The following DAPK1 variants were observed in gnomAD, a reference collection of about 807,000 sequenced individuals.
DAPK1 encodes the protein death associated protein kinase 1, also known as death-associated protein kinase 1.
DAPK1 carries 56 observed loss-of-function variants against 144.9 expected under a neutral mutation model. That is an observed-to-expected ratio of 0.39 (90% CI 0.31 to 0.48). The LOEUF is 0.48. DAPK1 is among the 20% of genes least tolerant of loss of function. The pLI, the probability that DAPK1 is intolerant of heterozygous loss-of-function variation, is 0.95. For synonymous variants in DAPK1, 690 were observed against 749.0 expected (o/e 0.92, Z 1.29); for missense variants, 1,454 against 1,875.4 (o/e 0.78, Z 4.15).
chr9:87,555,131 G>T (rs1826656968), intron 2 of DAPK1, among the ~76,000 whole-genome samples: 1 of 152,200 alleles, frequency 6.6e-6, no homozygotes, highest in South Asian at 2.1e-4. Context: ...ATGACTTAAG[G>T]ACTTGGGGGT....
intron 21 of DAPK1, among the ~76,000 whole-genome samples, chr9:87,689,111 A>G (rs1224084605): frequency 6.6e-6 from 1 of 151,522 alleles, no homozygotes; most frequent in Non-Finnish European, 1.5e-5. Context: ...TTTTTTTTTT[A>G]TATGGTGAAA....
At chr9:87,616,191 A>G (rs141271249) in intron 3 of DAPK1, among the ~76,000 whole-genome samples, 21 of 152,274 alleles carry the variant, frequency 1.4e-4, no homozygotes, top group African/African-American at 5.1e-4. Flanking sequence ...TGGGCAGAAG[A>G]TGTTCTAGTT....
At chr9:87,538,477 A>C (rs1044288887) in intron 2 of DAPK1, among the ~76,000 whole-genome samples, 1 of 152,356 alleles carries the variant, frequency 6.6e-6, no homozygotes, top group Non-Finnish European at 1.5e-5. Flanking sequence ...ATATCCTTCC[A>C]TTCGCCTTAA....
chr9:87,578,154 C>G (rs916866682), intron 2 of DAPK1, among the ~76,000 whole-genome samples: 1 of 152,204 alleles, frequency 6.6e-6, no homozygotes. Flanking sequence ...ATAGGACTCT[C>G]TAGTAATCCC....
intron 2 of DAPK1, among the ~76,000 whole-genome samples, chr9:87,527,215 T>TC (rs11398066): frequency 0.45 from 67,842 of 152,022 alleles, 15,411 homozygotes; most frequent in South Asian, 0.57. Context: ...TTGAAGACAC[T>TC]TGCTTTTGCC....
chr9:87,663,639 C>T (rs1830941726), intron 18 of DAPK1, among the ~76,000 whole-genome samples: 1 of 152,156 alleles, frequency 6.6e-6, no homozygotes, highest in Non-Finnish European at 1.5e-5. Flanking sequence ...TCTTCTCCCT[C>T]TCCATCCCCC....
Position 87,639,457 on chromosome 9 carries a change from AC to A in DAPK1, c.528del (p.Asn176LysfsTer13). 3 of 1,613,090 alleles carry A rather than the reference AC, an allele frequency of 1.9e-6. No homozygotes were observed. Among genetic ancestry groups the A allele is most frequent in the Non-Finnish European group, 2.5e-6 (3 of 1,179,818 alleles). On this transcript the variant is annotated frameshift_variant, in exon 5 of 26. Transcript: ENST00000408954. ...HKIDFGNEFK[N>X]IFGTPEFVAP... ...ATTGACTTTGGAAATGAATTTAAAA[AC>A]ATATTTGGGACTCCAGAGTTTGTCG... is the stretch of plus-strand genomic sequence containing the variant.
rs36203860 is a variant in DAPK1, at chr9:87,573,131, A to T, written c.63-31823A>T. On this transcript the variant is annotated intron_variant, in intron 2 of 25. Transcript: ENST00000408954. The stretch of plus-strand genomic sequence containing the variant: ...GTTCAGAACACCTTCCCTCCTCATA[A>T]TACCTCTGACTGCATGTTAAATGGC... Among the ~76,000 whole-genome samples, 919 of 152,258 alleles carry T rather than the reference A, an allele frequency of 6.0e-3. 14 individuals are homozygous for T. The highest frequency in any genetic ancestry group is 0.021 in the African/African-American group (889 of 41,546).
In DAPK1 at chr9:87,605,065, C is replaced by T. The variant is rs200958656; in HGVS notation, c.174C>T (p.Arg58=). The change falls in exon 3 of 26, where the codon CGC becomes CGT. Residue 58 remains arginine (R), a synonymous_variant. Transcript: ENST00000408954. The part of the protein sequence containing the change: ...RTKSSRRGVS[R]EDIEREVSIL... ...AGTCCAGCCGGCGGGGTGTGAGCCGCGAGGACATCGAGCGGGAGGTCAGCA... is the reference window on the plus strand; with the variant it reads ...AGTCCAGCCGGCGGGGTGTGAGCCGTGAGGACATCGAGCGGGAGGTCAGCA... The T allele has an allele frequency of 3.7e-5, 60 of 1,614,196 alleles. No individual in the cohort carries two copies. In the Admixed American group the frequency reaches 5.7e-4, roughly 15 times the overall value.
At chr9:87,677,461 A>G (rs532964193) in intron 19 of DAPK1, among the ~76,000 whole-genome samples, 1 of 152,346 alleles carries the variant, frequency 6.6e-6, no homozygotes, top group East Asian at 1.9e-4. Context: ...CAGACAGGAC[A>G]GACGTGTGTG....
At chr9:87,534,903 C>A (rs1825811442) in intron 2 of DAPK1, among the ~76,000 whole-genome samples, 1 of 152,090 alleles carries the variant, frequency 6.6e-6, no homozygotes, top group Non-Finnish European at 1.5e-5. Flanking sequence ...CCTCGGCCTC[C>A]TAAAGTGCTG....
chr9:87,645,618 A>G (rs1208078742), intron 11 of DAPK1, among the ~76,000 whole-genome samples: 1 of 152,204 alleles, frequency 6.6e-6, no homozygotes, highest in Non-Finnish European at 1.5e-5. Flanking sequence ...GTTACTTATC[A>G]TCATTATTTG....
chr9:87,608,663 A>C (rs1828818473), intron 3 of DAPK1, among the ~76,000 whole-genome samples: 1 of 152,190 alleles, frequency 6.6e-6, no homozygotes, highest in South Asian at 2.1e-4. Context: ...TAGGCTTTCT[A>C]ATAGTTGCAT....
chr9:87,672,751 C>T (rs566777676), intron 19 of DAPK1, among the ~76,000 whole-genome samples: 1 of 152,298 alleles, frequency 6.6e-6, no homozygotes, highest in East Asian at 1.9e-4. Context: ...ATGCAAGTAA[C>T]TGCTTGGCAC....
chr9:87,638,824 T>C (rs990550731), intron 4 of DAPK1, among the ~76,000 whole-genome samples: 1 of 152,214 alleles, frequency 6.6e-6, no homozygotes, highest in South Asian at 2.1e-4. Flanking sequence ...ACAAACAATG[T>C]GCAAAAGCAC....
At position 87,638,240 on chromosome 9, in the gene DAPK1, A is replaced by G. The variant is rs36211021; in HGVS notation, c.423+159A>G. Among the ~76,000 whole-genome samples, 1,066 of 152,320 alleles carry G rather than the reference A, an allele frequency of 7.0e-3. 24 individuals carry two copies. Among genetic ancestry groups the G allele is most frequent in the East Asian group, 0.065 (334 of 5,174 alleles). Reference sequence around the variant, plus strand: ...CTATAAATCGGCAAGCATAGGATACATGCCCCCCACTGGGATGGCTAACCT... The same window carrying G: ...CTATAAATCGGCAAGCATAGGATACGTGCCCCCCACTGGGATGGCTAACCT... On this transcript the variant is annotated intron_variant, in intron 4 of 25. Transcript: ENST00000408954.
intron 2 of DAPK1, among the ~76,000 whole-genome samples, chr9:87,582,324 C>T (rs915556779): frequency 1.3e-5 from 2 of 152,140 alleles, no homozygotes; most frequent in Admixed American, 6.5e-5. Flanking sequence ...AGAGAAACAG[C>T]GATCATTAGC....
intron 2 of DAPK1, among the ~76,000 whole-genome samples, chr9:87,509,356 A>G (rs979720010): frequency 6.6e-6 from 1 of 152,110 alleles, no homozygotes; most frequent in East Asian, 1.9e-4. Flanking sequence ...ACAGCCTGCC[A>G]GCATTTTCTT....
chr9:87,632,435 T>C, intron 3 of DAPK1: 2 of 982,796 alleles, frequency 2.0e-6, no homozygotes, highest in South Asian at 4.7e-5. Flanking sequence ...TAAGTGTGTA[T>C]GTAAGGATGA....
Sources: allele counts gnomAD v4.1 joint callset (sites outside exome capture counted in the v4.1 genomes callset), GRCh38; gene constraint gnomAD v4.1.1; transcripts MANE v1.5; gene names NCBI Gene and HGNC (gene_info 2026-07-23, HGNC 2026-07-21).